The following DNAH6 variants were observed in gnomAD, a reference collection of about 807,000 sequenced individuals.
The protein encoded by DNAH6 is axonemal beta dynein heavy chain 6.
A neutral mutation model predicts 491.4 loss-of-function variants in DNAH6; 340 were observed. The observed-to-expected ratio is 0.69, with a 90% CI of 0.63 to 0.76. The LOEUF (loss-of-function observed/expected upper bound fraction) is 0.76, where lower values mean the gene tolerates loss of function less well. Ranked by LOEUF, DNAH6 falls within the 30% of genes least tolerant of loss-of-function variation. DNAH6 has a pLI of 0.00. For synonymous variants in DNAH6, 1,603 were observed against 1,686.1 expected (o/e 0.95, Z 1.21); for missense variants, 4,443 against 4,972.2 (o/e 0.89, Z 3.20).
chr2:84,802,152 C>T (rs1326999718), intron 70 of DNAH6, among the ~76,000 whole-genome samples: 2 of 152,102 alleles, frequency 1.3e-5, no homozygotes, highest in Admixed American at 1.3e-4. Context: ...ACTACACAAT[C>T]GGGACTACAA....
chr2:84,740,542 G>A (rs972572283), intron 62 of DNAH6, among the ~76,000 whole-genome samples: 1 of 152,170 alleles, frequency 6.6e-6, no homozygotes, highest in East Asian at 1.9e-4. Context: ...GGCTGGCACT[G>A]CACCCATGTT....
chr2:84,700,144 G>A (rs57361878), intron 48 of DNAH6, among the ~76,000 whole-genome samples: 10,195 of 152,194 alleles, frequency 0.067, 1,104 homozygotes, highest in African/African-American at 0.23. Flanking sequence ...AAACACAAGC[G>A]GCATGCATGT....
intron 11 of DNAH6, among the ~76,000 whole-genome samples, chr2:84,571,397 C>T (rs182780333): frequency 1.3e-5 from 2 of 152,280 alleles, no homozygotes; most frequent in Admixed American, 6.5e-5. Flanking sequence ...CAAACGCTGC[C>T]TTAGCCAATG....
At chr2:84,661,181 T>C (rs907596014) in intron 37 of DNAH6, among the ~76,000 whole-genome samples, 2 of 152,146 alleles carry the variant, frequency 1.3e-5, no homozygotes, top group Admixed American at 1.3e-4. Context: ...TAGAGTCATA[T>C]CTAATTCACC....
intron 22 of DNAH6, among the ~76,000 whole-genome samples, chr2:84,613,525 C>G (rs1427152489): frequency 6.6e-6 from 1 of 152,094 alleles, no homozygotes; most frequent in Non-Finnish European, 1.5e-5. Flanking sequence ...AGCACCAAAA[C>G]TACAAAGATA....
chr2:84,514,607 T>C (rs1675462958), upstream of DNAH6, among the ~76,000 whole-genome samples: 1 of 152,124 alleles, frequency 6.6e-6, no homozygotes, highest in Non-Finnish European at 1.5e-5. Context: ...AGAAAATGAA[T>C]GGGAAATATA....
intron 60 of DNAH6, among the ~76,000 whole-genome samples, chr2:84,724,951 T>C (rs528708516): frequency 6.6e-6 from 1 of 152,322 alleles, no homozygotes; most frequent in East Asian, 1.9e-4. Flanking sequence ...ATGGGAGTAG[T>C]AGCAAACAGG....
intron 35 of DNAH6, among the ~76,000 whole-genome samples, chr2:84,656,161 AT>A (rs1234150936): frequency 6.6e-6 from 1 of 152,026 alleles, no homozygotes; most frequent in Non-Finnish European, 1.5e-5. Flanking sequence ...ATTGGATAAT[AT>A]TTTTTGTATG....
chr2:84,642,088 C>A (rs1689469398), intron 33 of DNAH6, 34 bp downstream of exon 33: 3 of 1,383,672 alleles, frequency 2.2e-6, no homozygotes, highest in Non-Finnish European at 3.0e-6. Context: ...TAAAGCATGG[C>A]TATCACGTAG....
At chr2:84,583,909 A>G (rs1216155209) in intron 14 of DNAH6, 90 bp from the exon 15 acceptor site, 1 of 1,301,926 alleles carries the variant, frequency 7.7e-7, no homozygotes, top group African/African-American at 1.5e-5. Flanking sequence ...CAATGTTCAT[A>G]TTGTACAGTG....
chr2:84,630,232 A>G (rs962316361), intron 29 of DNAH6, among the ~76,000 whole-genome samples: 1 of 152,202 alleles, frequency 6.6e-6, no homozygotes, highest in East Asian at 1.9e-4. Context: ...AAAAAACAAT[A>G]TATCTAGCAA....
intron 4 of DNAH6, among the ~76,000 whole-genome samples, chr2:84,536,292 G>C (rs761879619): frequency 4.5e-4 from 68 of 152,124 alleles, no homozygotes; most frequent in South Asian, 1.5e-3. Context: ...ACACACCTGG[G>C]TTACTTAATT....
intron 60 of DNAH6, among the ~76,000 whole-genome samples, chr2:84,726,364 T>C (rs1698629303): frequency 2.0e-5 from 3 of 152,218 alleles, no homozygotes; most frequent in African/African-American, 4.8e-5. Context: ...CTGGTGGGAC[T>C]TCCCCTGAGT....
the DNAH6 span, among the ~76,000 whole-genome samples, chr2:84,460,482 T>C: frequency 6.6e-6 from 1 of 152,244 alleles, no homozygotes; most frequent in Non-Finnish European, 1.5e-5. Context: ...GCTTGATAAG[T>C]TATATGTTTA....
chr2:84,508,122 G>A, the DNAH6 span, among the ~76,000 whole-genome samples: 1 of 152,184 alleles, frequency 6.6e-6, no homozygotes, highest in African/African-American at 2.4e-5. Flanking sequence ...CTATTGATTG[G>A]AGTTGTTTCA....
the DNAH6 span, among the ~76,000 whole-genome samples, chr2:84,476,233 G>T: frequency 6.6e-6 from 1 of 152,304 alleles, no homozygotes; most frequent in African/African-American, 2.4e-5. Context: ...AGGAAAGGTG[G>T]TCCAATTAGC....
the DNAH6 span, among the ~76,000 whole-genome samples, chr2:84,475,128 G>A: frequency 6.6e-6 from 1 of 152,172 alleles, no homozygotes; most frequent in Non-Finnish European, 1.5e-5. Context: ...TTTAAATTTA[G>A]ACTAGACCTT....
At chr2:84,515,464 A>G (rs1357499281), upstream of DNAH6, among the ~76,000 whole-genome samples, 5 of 152,194 alleles carry the variant, frequency 3.3e-5, no homozygotes, top group African/African-American at 1.2e-4. Flanking sequence ...TTTTAGCTCT[A>G]TCTGTGATTT....
the DNAH6 span, among the ~76,000 whole-genome samples, chr2:84,501,052 C>G: frequency 1.3e-5 from 2 of 152,266 alleles, no homozygotes; most frequent in South Asian, 4.1e-4. Context: ...GCTAAGACTT[C>G]CAGTACTATG....
Sources: gnomAD v4.1 joint callset for allele counts (sites outside exome capture counted in the v4.1 genomes callset) on GRCh38, gnomAD v4.1.1 for gene constraint, MANE v1.5 for transcripts, NCBI Gene and HGNC (gene_info 2026-07-23, HGNC 2026-07-21) for gene names.